The following HEMK2 variants were observed in gnomAD, a reference collection of about 807,000 sequenced individuals.
HEMK2 encodes HemK methyltransferase 2, ETF1 glutamine and histone H4 lysine.
At chr21:28,832,251 A>G in the HEMK2 span, among the ~76,000 whole-genome samples, 1 of 152,212 alleles carries the variant, frequency 6.6e-6, no homozygotes, top group Non-Finnish European at 1.5e-5. Context: ...AGGCAGTACA[A>G]AGAGGCACAG....
At chr21:28,816,761 C>G in the HEMK2 span, among the ~76,000 whole-genome samples, 1 of 152,212 alleles carries the variant, frequency 6.6e-6, no homozygotes, top group Non-Finnish European at 1.5e-5. Context: ...CTAAGCAATT[C>G]TCCTAAAATG....
At chr21:28,835,731 C>G in the HEMK2 span, among the ~76,000 whole-genome samples, 1 of 151,816 alleles carries the variant, frequency 6.6e-6, no homozygotes, top group Non-Finnish European at 1.5e-5. Flanking sequence ...GCAAGGAAAT[C>G]CAAAAAATGA....
chr21:28,624,901 C>G, the HEMK2 span, among the ~76,000 whole-genome samples: 147 of 152,322 alleles, frequency 9.7e-4, 1 homozygote, highest in Admixed American at 6.5e-4. Flanking sequence ...GAGGCTTCTC[C>G]TGTATTAAGC....
At chr21:28,743,549 A>G in the HEMK2 span, among the ~76,000 whole-genome samples, 1,655 of 150,810 alleles carry the variant, frequency 0.011, 22 homozygotes, top group African/African-American at 0.038. Flanking sequence ...GGGATGCAGA[A>G]AAGAAAAAAG....
At chr21:28,680,469 G>A in the HEMK2 span, among the ~76,000 whole-genome samples, 1 of 152,070 alleles carries the variant, frequency 6.6e-6, no homozygotes, top group East Asian at 1.9e-4. Context: ...TTGTGTCAGA[G>A]GTACAAGGAG....
chr21:28,711,563 A>G, the HEMK2 span, among the ~76,000 whole-genome samples: 31 of 152,262 alleles, frequency 2.0e-4, no homozygotes, highest in South Asian at 1.0e-3. Flanking sequence ...GAAGAGGCAA[A>G]AAATGTTTTA....
chr21:28,589,001 G>A, the HEMK2 span, among the ~76,000 whole-genome samples: 2 of 138,360 alleles, frequency 1.4e-5, no homozygotes, highest in South Asian at 2.4e-4. Flanking sequence ...AAAAAAAAGA[G>A]TTATTGAGCC....
At chr21:28,810,223 G>C in the HEMK2 span, among the ~76,000 whole-genome samples, 1 of 152,082 alleles carries the variant, frequency 6.6e-6, no homozygotes, top group African/African-American at 2.4e-5. Flanking sequence ...ACCCATTCAA[G>C]AAGCAGTCAT....
the HEMK2 span, among the ~76,000 whole-genome samples, chr21:28,592,098 T>G: frequency 6.6e-6 from 1 of 152,216 alleles, no homozygotes; most frequent in Non-Finnish European, 1.5e-5. Flanking sequence ...ACGGTAGTTC[T>G]GTTTTTAGGT....
At chr21:28,634,019 T>C in the HEMK2 span, among the ~76,000 whole-genome samples, 1,062 of 152,320 alleles carry the variant, frequency 7.0e-3, 15 homozygotes, top group African/African-American at 0.024. Flanking sequence ...TGTTTAATTG[T>C]TCAGCGTTTC....
the HEMK2 span, among the ~76,000 whole-genome samples, chr21:28,867,701 G>A: frequency 7.3e-3 from 1,105 of 152,272 alleles, 10 homozygotes; most frequent in African/African-American, 0.025. Flanking sequence ...TAACATGGAT[G>A]GGCCCAGATG....
the HEMK2 span, among the ~76,000 whole-genome samples, chr21:28,596,374 A>C: frequency 6.6e-6 from 1 of 152,162 alleles, no homozygotes; most frequent in Admixed American, 6.5e-5. Context: ...AATTAGGCAA[A>C]TCTTTCTCAT....
At chr21:28,764,915 TC>T in the HEMK2 span, among the ~76,000 whole-genome samples, 2 of 152,114 alleles carry the variant, frequency 1.3e-5, no homozygotes, top group African/African-American at 4.8e-5. Context: ...CTATAAATTG[TC>T]CCCTTGACCC....
At chr21:28,859,787 T>C in the HEMK2 span, among the ~76,000 whole-genome samples, 1 of 151,918 alleles carries the variant, frequency 6.6e-6, no homozygotes, top group Non-Finnish European at 1.5e-5. Context: ...CAGGCTCACA[T>C]CCCCCTCCCC....
At chr21:28,644,875 T>A in the HEMK2 span, among the ~76,000 whole-genome samples, 2 of 152,218 alleles carry the variant, frequency 1.3e-5, no homozygotes, top group Non-Finnish European at 2.9e-5. Flanking sequence ...TTTTTGTTAA[T>A]CTGATGAGAG....
chr21:28,678,085 T>C, the HEMK2 span, among the ~76,000 whole-genome samples: 1 of 152,100 alleles, frequency 6.6e-6, no homozygotes, highest in Non-Finnish European at 1.5e-5. Flanking sequence ...CTTCAGACGA[T>C]CAAACTACTC....
chr21:28,825,019 T>G, the HEMK2 span, among the ~76,000 whole-genome samples: 2 of 152,206 alleles, frequency 1.3e-5, no homozygotes. Flanking sequence ...AAATAAACAC[T>G]GCTTTGAAGA....
the HEMK2 span, among the ~76,000 whole-genome samples, chr21:28,691,292 G>C: frequency 2.0e-5 from 3 of 152,076 alleles, no homozygotes; most frequent in African/African-American, 7.2e-5. Flanking sequence ...CTTTTAACCA[G>C]TTTTTGAAAC....
the HEMK2 span, among the ~76,000 whole-genome samples, chr21:28,695,333 G>A: frequency 2.0e-5 from 3 of 152,078 alleles, no homozygotes; most frequent in Admixed American, 2.0e-4. Flanking sequence ...TTGGGTTGTG[G>A]GGGCAGATCT....
Sources: gnomAD v4.1 joint callset for allele counts (sites outside exome capture counted in the v4.1 genomes callset) on GRCh38, gnomAD v4.1.1 for gene constraint, MANE v1.5 for transcripts, NCBI Gene and HGNC (gene_info 2026-07-23, HGNC 2026-07-21) for gene names.